The following ASB15 variants were observed in gnomAD, a reference collection of about 807,000 sequenced individuals.
ASB15 encodes the protein ankyrin repeat and SOCS box containing 15.
In ASB15, 54 loss-of-function variants were observed where a neutral mutation model predicts 58.0. That is an observed-to-expected ratio of 0.93 (90% CI 0.75 to 1.17). The LOEUF (loss-of-function observed/expected upper bound fraction) is 1.17, where lower values mean the gene tolerates loss of function less well. Among genes scored for constraint, ASB15 ranks in the 50% most tolerant of loss-of-function variants. ASB15 has a pLI of 0.00. For synonymous variants in ASB15, 249 were observed against 262.4 expected, an observed-to-expected ratio of 0.95 and a Z score of 0.50; for missense variants, 680 against 707.4, an observed-to-expected ratio of 0.96 and a Z score of 0.44.
At chr7:123,567,601 G>A (rs1219448261) in intron 1 of ASB15, among the ~76,000 whole-genome samples, 1 of 152,110 alleles carries the variant, frequency 6.6e-6, no homozygotes, top group Non-Finnish European at 1.5e-5. Flanking sequence ...TAGGATTCTG[G>A]AGCGCTCCTC....
intron 8 of ASB15, among the ~76,000 whole-genome samples, chr7:123,626,435 G>T (rs62474509): frequency 6.6e-6 from 1 of 151,916 alleles, no homozygotes; most frequent in Non-Finnish European, 1.5e-5. Context: ...TCACACCACC[G>T]CACTCCAGCC....
At chr7:123,608,971 A>G (rs1201117760) in intron 3 of ASB15, 3 of 62,432 alleles carry the variant, frequency 4.8e-5, no homozygotes, top group Non-Finnish European at 9.7e-5. Flanking sequence ...TTACCGTACC[A>G]AAAAAAAAAA....
chr7:123,624,700 C>T lies in ASB15; in HGVS notation c.583C>T (p.Leu195=). Residue 195 remains leucine, a synonymous_variant, in exon 8 of 12, where the codon CTG becomes TTG. Coordinates refer to ENST00000451215, the MANE Select transcript of ASB15 (RefSeq NM_001290258.2). The part of the protein sequence containing the change: ...AKQGRKDIVA[L]LLKHGGNVHL... ...GCAAGGCCGAAAAGATATCGTAGCT[C>T]TGCTGCTGAAACATGGAGGCAATGT... The T allele has an allele frequency of 6.2e-7, 1 of 1,614,176 alleles. No homozygotes were observed. The highest frequency in any genetic ancestry group is 8.5e-7 in the Non-Finnish European group (1 of 1,180,022).
chr7:123,625,074 T>C (rs1801687943), intron 8 of ASB15: 1 of 416,408 alleles, frequency 2.4e-6, no homozygotes, highest in Non-Finnish European at 4.4e-6. Flanking sequence ...AATCTGCACA[T>C]AGATGGCCCA....
chr7:123,624,636 C>T lies in ASB15; in HGVS notation c.519C>T (p.Pro173=). 1 of 1,614,028 alleles carries T rather than the reference C, an allele frequency of 6.2e-7. No homozygotes were observed. Reference sequence around the variant, plus strand: ...AACATAACACTAGCCTAGACCAGCCCTGTGTCAAGCGATGGTCAGCAATGC... The same window carrying T: ...AACATAACACTAGCCTAGACCAGCCTTGTGTCAAGCGATGGTCAGCAATGC... ...LIKHNTSLDQ[P]CVKRWSAMHE... Residue 173 remains proline (P), a synonymous_variant, in exon 8 of 12, where the codon CCC becomes CCT. Transcript: ENST00000451215.
At chr7:123,622,433 T>C (rs573303694) in intron 7 of ASB15, among the ~76,000 whole-genome samples, 10 of 152,322 alleles carry the variant, frequency 6.6e-5, no homozygotes, top group African/African-American at 2.4e-4. Flanking sequence ...ATGAGTTAGC[T>C]TGGAAGGGAT....
rs148599401 is a variant in ASB15, at chr7:123,624,824, A to G, written c.697+10A>G. ...CATCTAATCCACAAAGGTATGTGAAAAGGAGTTACACTTCCTGACTTTTGT... is the reference window on the plus strand; with the variant it reads ...CATCTAATCCACAAAGGTATGTGAAGAGGAGTTACACTTCCTGACTTTTGT... On this transcript the variant is annotated intron_variant, in intron 8 of 11. Transcript: ENST00000451215. The G allele has an allele frequency of 9.3e-5, 150 of 1,611,478 alleles. No individual in the cohort carries two copies. The African/African-American group carries it at 1.8e-3, about 19-fold the overall frequency.
chr7:123,603,195 A>G (rs914457240), intron 1 of ASB15, among the ~76,000 whole-genome samples: 3 of 152,224 alleles, frequency 2.0e-5, no homozygotes, highest in Admixed American at 6.5e-5. Context: ...CATTATTTAA[A>G]GGCAGAAAAC....
chr7:123,596,903 CTTTAT>C (rs1799710554), upstream of ASB15, among the ~76,000 whole-genome samples: 1 of 152,066 alleles, frequency 6.6e-6, no homozygotes, highest in Non-Finnish European at 1.5e-5. Context: ...CAATATAGAG[CTTTAT>C]TTTAAGTCCT....
intron 1 of ASB15, among the ~76,000 whole-genome samples, chr7:123,570,343 GCT>G (rs1202937189): frequency 6.6e-6 from 1 of 151,962 alleles, no homozygotes; most frequent in East Asian, 1.9e-4. Flanking sequence ...GCCTGCCATA[GCT>G]CTTATAAGTG....
intron 8 of ASB15, 138 bp downstream of exon 8, chr7:123,624,952 T>C: frequency 9.2e-7 from 1 of 1,087,670 alleles, no homozygotes; most frequent in Non-Finnish European, 1.3e-6. Context: ...GGCATCAGGT[T>C]TTCCCACCTG....
At chr7:123,614,642 T>A in intron 4 of ASB15, 33 bp downstream of exon 4, 1 of 1,335,860 alleles carries the variant, frequency 7.5e-7, no homozygotes. Flanking sequence ...TCAGCAAAAT[T>A]TCTTTATGGC....
At chr7:123,571,562 C>G (rs1354899616) in intron 1 of ASB15, among the ~76,000 whole-genome samples, 2 of 152,016 alleles carry the variant, frequency 1.3e-5, no homozygotes, top group Non-Finnish European at 2.9e-5. Flanking sequence ...TAAAGTGTAT[C>G]CAAGCCAAAA....
intron 2 of ASB15, among the ~76,000 whole-genome samples, chr7:123,606,712 T>G (rs2116447082): frequency 6.6e-6 from 1 of 152,334 alleles, no homozygotes; most frequent in African/African-American, 2.4e-5. Context: ...AATATTTGTC[T>G]CTCTGTACCT....
In ASB15 at chr7:123,618,861, A is replaced by G. The variant is rs1465532816; in HGVS notation, c.451+1124A>G. Among the ~76,000 whole-genome samples the G allele has an allele frequency of 5.6e-5, 7 of 125,454 alleles. No individual in the cohort carries two copies. The Admixed American group carries it at 5.6e-4, about 10-fold the overall frequency. 82.3% of individuals were successfully genotyped at this position (125,454 alleles called of 152,430 possible). ...TATTTGATGGCATTGATTCAACAATATCAATGTAAAAAACGTATTAAGAAG... is the reference window on the plus strand; with the variant it reads ...TATTTGATGGCATTGATTCAACAATGTCAATGTAAAAAACGTATTAAGAAG... On this transcript the variant is annotated intron_variant, in intron 7 of 11. Coordinates refer to ENST00000451215, the MANE Select transcript of ASB15 (RefSeq NM_001290258.2).
intron 11 of ASB15, among the ~76,000 whole-genome samples, chr7:123,635,634 T>G (rs1353874452): frequency 6.7e-6 from 1 of 149,546 alleles, no homozygotes; most frequent in Non-Finnish European, 1.5e-5. Context: ...TCTGATGACT[T>G]TAGAAAGACA....
intron 7 of ASB15, among the ~76,000 whole-genome samples, chr7:123,619,782 C>A (rs1368576943): frequency 1.3e-5 from 2 of 152,188 alleles, no homozygotes; most frequent in Admixed American, 1.3e-4. Context: ...CTCAGCCTCC[C>A]AAAGTGCTGG....
intron 8 of ASB15, among the ~76,000 whole-genome samples, chr7:123,626,015 A>ATCATGTC (rs1801747645): frequency 6.6e-6 from 1 of 152,112 alleles, no homozygotes; most frequent in Admixed American, 6.5e-5. Flanking sequence ...AGTCCCCTAC[A>ATCATGTC]TCATGTCTCC....
Position 123,629,280 on chromosome 7 carries a change from A to G in ASB15, c.1286A>G (p.Glu429Gly), listed in dbSNP as rs1376456503. 2 of 1,614,036 alleles carry G rather than the reference A, an allele frequency of 1.2e-6. No individual in the cohort carries two copies. Residue 429 changes from glutamate (E) to glycine (G), a missense_variant, in exon 10 of 12, where the codon GAG becomes GGG. Glu to Gly is a moderately conservative substitution (Grantham distance 98). Coordinates refer to ENST00000451215, the MANE Select transcript of ASB15 (RefSeq NM_001290258.2). Reference sequence around the variant, plus strand: ...GTCATTCAATATGCTCTAAACGACGAGGTAATGCTGAGGCTATTGCTGAAT... The same window carrying G: ...GTCATTCAATATGCTCTAAACGACGGGGTAATGCTGAGGCTATTGCTGAAT... ...PSVIQYALND[E>G]VMLRLLLNNG...
Sources: gnomAD v4.1 joint callset for allele counts (sites outside exome capture counted in the v4.1 genomes callset) on GRCh38, gnomAD v4.1.1 for gene constraint, MANE v1.5 for transcripts, NCBI Gene and HGNC (gene_info 2026-07-23, HGNC 2026-07-21) for gene names.